The following DNAI7 variants were observed in gnomAD, a reference collection of about 807,000 sequenced individuals.
DNAI7 encodes the protein dynein axonemal intermediate chain 7.
In DNAI7, 78 loss-of-function variants were observed where a neutral mutation model predicts 86.6. The ratio of observed to expected loss-of-function variants is 0.90; its 90% CI spans 0.75 to 1.09. DNAI7 has a LOEUF of 1.09. DNAI7 is among the 50% of genes least tolerant of loss of function. The pLI is 0.00. For synonymous variants in DNAI7, 274 were observed against 273.0 expected (o/e 1.00, Z -0.04); for missense variants, 753 against 810.2 (o/e 0.93, Z 0.86).
chr12:25,165,080 G>A (rs919334098), intron 2 of DNAI7, among the ~76,000 whole-genome samples: 2 of 152,088 alleles, frequency 1.3e-5, no homozygotes, highest in South Asian at 2.1e-4. Flanking sequence ...GGCTCATTTG[G>A]CAGCAACCCT....
chr12:25,176,901 C>CTT lies in DNAI7; in HGVS notation c.21+13711_21+13712dup, dbSNP rs761004608. On this transcript the variant is annotated intron_variant, in intron 2 of 15. Transcript: ENST00000395987. Reference sequence around the variant, plus strand: ...TAAAATTTACCATTTTAACCATTTTCTTTTTTTTTTTTTTTTTTTGAGATG... The same window carrying CTT: ...TAAAATTTACCATTTTAACCATTTTCTTTTTTTTTTTTTTTTTTTTTGAGATG... Among the ~76,000 whole-genome samples, 167 of 118,126 alleles carry CTT rather than the reference C, an allele frequency of 1.4e-3. 1 individual carries two copies. Among genetic ancestry groups the CTT allele is most frequent in the African/African-American group, 4.1e-3 (120 of 28,996 alleles). 77.5% of individuals were successfully genotyped at this position (118,126 alleles called of 152,430 possible).
downstream of DNAI7, among the ~76,000 whole-genome samples, chr12:25,107,228 A>G (rs1304147222): frequency 6.6e-6 from 1 of 152,222 alleles, no homozygotes. Flanking sequence ...ATTTTGAGAG[A>G]CAGACTACAT....
chr12:25,133,095 A>T (rs1343098606), intron 9 of DNAI7, among the ~76,000 whole-genome samples: 1 of 151,722 alleles, frequency 6.6e-6, no homozygotes, highest in East Asian at 1.9e-4. Flanking sequence ...CTGTTCAAAT[A>T]CTTTCATTAT....
At chr12:25,190,689 TATC>T in intron 1 of DNAI7, 58 bp from the exon 2 acceptor site, 3 of 979,482 alleles carry the variant, frequency 3.1e-6, no homozygotes, top group Non-Finnish European at 4.6e-6. Flanking sequence ...GATACAAAAG[TATC>T]ATGATTATGT....
Position 25,108,522 on chromosome 12 carries a change from C to CTT in DNAI7, c.*24_*25dup, listed in dbSNP as rs1386068716. 1.9e-6 allele frequency: 3 copies of CTT among 1,589,560 alleles called. No homozygotes were observed. The highest frequency in any genetic ancestry group is 2.6e-6 in the Non-Finnish European group (3 of 1,164,782). On this transcript the variant is annotated 3_prime_UTR_variant, in exon 16 of 16. Coordinates refer to ENST00000395987, the MANE Select transcript of DNAI7 (RefSeq NM_018272.5). ...CTTTCACCATGCTTGGTTCTTCATACTTACAATACAGTTTGTAAGTGGAGG... is the reference window on the plus strand; with the variant it reads ...CTTTCACCATGCTTGGTTCTTCATACTTTTACAATACAGTTTGTAAGTGGAGG...
chr12:25,146,686 G>T (rs902788670), intron 8 of DNAI7, among the ~76,000 whole-genome samples: 1 of 152,002 alleles, frequency 6.6e-6, no homozygotes, highest in African/African-American at 2.4e-5. Context: ...AGGAAGACCT[G>T]GTATTTAATG....
chr12:25,190,072 T>C (rs902498863), intron 2 of DNAI7, among the ~76,000 whole-genome samples: 1 of 150,066 alleles, frequency 6.7e-6, no homozygotes, highest in South Asian at 2.1e-4. Context: ...CAATGGATTA[T>C]AAACTCTAAT....
At chr12:25,115,836 G>A (rs1481517511) in intron 12 of DNAI7, among the ~76,000 whole-genome samples, 1 of 152,162 alleles carries the variant, frequency 6.6e-6, no homozygotes, top group Non-Finnish European at 1.5e-5. Flanking sequence ...CTGAAAACAT[G>A]TCCACACAGA....
At position 25,144,527 on chromosome 12, in the gene DNAI7, A is replaced by G. The variant is rs1182109009; in HGVS notation, c.840T>C (p.Thr280=). The G allele has an allele frequency of 1.2e-6, 2 of 1,614,132 alleles. No homozygotes were observed. Among genetic ancestry groups the G allele is most frequent in the Admixed American group, 1.7e-5 (1 of 60,028 alleles). ...CTTTGACAAGCTCAGTTACTGCAGAAGTGTATTCTTTTGATGGTGTTGAAA... is the reference window on the plus strand; with the variant it reads ...CTTTGACAAGCTCAGTTACTGCAGAGGTGTATTCTTTTGATGGTGTTGAAA... ...HPVSTPSKEY[T]SAVTELVKDD... Residue 280 remains threonine, a synonymous_variant, in exon 9 of 16, where the codon ACT becomes ACC. Transcript: ENST00000395987.
intron 2 of DNAI7, among the ~76,000 whole-genome samples, chr12:25,162,604 C>G (rs1263855446): frequency 6.6e-6 from 1 of 152,206 alleles, no homozygotes; most frequent in African/African-American, 2.4e-5. Flanking sequence ...TTCACCTTCT[C>G]TAAGATGCTC....
chr12:25,149,665 T>A lies in DNAI7; in HGVS notation c.548A>T (p.His183Leu), dbSNP rs573636601. ...TTCTGTGGCTACACCGAATTTAAGATGAAGGAGCTCCTGCAGTTGTAGTAT... is the reference window on the plus strand; with the variant it reads ...TTCTGTGGCTACACCGAATTTAAGAAGAAGGAGCTCCTGCAGTTGTAGTAT... Reference protein sequence around the residue: ...ESILQLQELLHLKFGVATEIL... With the variant: ...ESILQLQELLLLKFGVATEIL... Residue 183 changes from histidine to leucine, a missense_variant, in exon 7 of 16, where the codon CAT becomes CTT. Physicochemically the swap from His to Leu is moderately conservative, Grantham distance 99. Transcript: ENST00000395987. 1.2e-6 allele frequency: 2 copies of A among 1,607,726 alleles called. No individual in the cohort carries two copies. The highest frequency in any genetic ancestry group is 2.2e-5 in the South Asian group (2 of 89,442).
intron 12 of DNAI7, among the ~76,000 whole-genome samples, chr12:25,115,408 T>C (rs1273776778): frequency 3.9e-5 from 6 of 152,202 alleles, no homozygotes; most frequent in Non-Finnish European, 1.5e-5. Flanking sequence ...TTACAGTTAA[T>C]TCCCATTCCC....
intron 12 of DNAI7, among the ~76,000 whole-genome samples, chr12:25,116,369 C>T (rs1032171993): frequency 3.3e-5 from 5 of 151,976 alleles, no homozygotes; most frequent in Admixed American, 6.5e-5. Context: ...CTAGTAGTTC[C>T]GGGCAAAATG....
chr12:25,108,329 A>G lies in DNAI7; in HGVS notation c.*219T>C, dbSNP rs1016061413. ...TTTATTGAAATAAAGAATCATTTAA[A>G]TCTTCATAGAGTGAAAGCTGAAATT... On this transcript the variant is annotated 3_prime_UTR_variant, in exon 16 of 16. Transcript: ENST00000395987. 3.7e-6 allele frequency: 2 copies of G among 544,040 alleles called. No homozygotes were observed. The highest frequency in any genetic ancestry group is 3.8e-5 in the African/African-American group (2 of 52,594). The allele number at this position is 544,040 out of a possible 1,614,324, so 33.7% of individuals were successfully genotyped here.
intron 9 of DNAI7, among the ~76,000 whole-genome samples, chr12:25,134,852 A>T (rs1316222514): frequency 6.6e-6 from 1 of 152,252 alleles, no homozygotes; most frequent in Non-Finnish European, 1.5e-5. Context: ...ACACTAATTG[A>T]TGACAAATAT....
intron 2 of DNAI7, among the ~76,000 whole-genome samples, chr12:25,177,270 C>T (rs1262124860): frequency 6.6e-6 from 1 of 152,152 alleles, no homozygotes. Flanking sequence ...ACAATCATCA[C>T]AATCCACCTC....
intron 2 of DNAI7, among the ~76,000 whole-genome samples, chr12:25,167,960 C>T (rs959119982): frequency 6.6e-6 from 1 of 152,152 alleles, no homozygotes; most frequent in African/African-American, 2.4e-5. Context: ...CTCTTCATCT[C>T]CAAAGCCCTC....
intron 2 of DNAI7, among the ~76,000 whole-genome samples, chr12:25,182,972 A>AAGAAG (rs748116209): frequency 0.062 from 9,217 of 149,494 alleles, 311 homozygotes; most frequent in South Asian, 0.1. Flanking sequence ...GGAGGAAGGG[A>AAGAAG]GGAAGGGAAG....
rs1209412963 is a variant in DNAI7 at position 25,195,129 on chromosome 12, G to A, written c.-51C>T. 1 of 1,588,660 alleles carries A rather than the reference G, an allele frequency of 6.3e-7. No individual in the cohort carries two copies. The highest frequency in any genetic ancestry group is 8.6e-7 in the Non-Finnish European group (1 of 1,157,328). On this transcript the variant is annotated 5_prime_UTR_variant, in exon 1 of 16. Coordinates refer to ENST00000395987, the MANE Select transcript of DNAI7 (RefSeq NM_018272.5). ...TCCGCAGAGTCGGAGCAGAAATTGT[G>A]TGGACAAACGCTCCCGGGTTGCCCG...
Sources: allele counts gnomAD v4.1 joint callset (sites outside exome capture counted in the v4.1 genomes callset), GRCh38; gene constraint gnomAD v4.1.1; transcripts MANE v1.5; gene names NCBI Gene and HGNC (gene_info 2026-07-23, HGNC 2026-07-21).